CMSS1: variants seen among roughly 807,000 people sequenced by gnomAD.
CMSS1 encodes the protein cms1 ribosomal small subunit homolog.
Under a neutral mutation model 43.5 loss-of-function variants are expected in CMSS1, and 33 were observed. The observed-to-expected ratio is 0.76, with a 90% CI of 0.57 to 1.01. The LOEUF (loss-of-function observed/expected upper bound fraction) is 1.01, where lower values mean the gene tolerates loss of function less well. Among genes scored for constraint, CMSS1 ranks in the 50% least tolerant of loss-of-function variants. CMSS1 has a pLI of 0.00. For missense variants in CMSS1, 313 were observed against 326.4 expected (o/e 0.96, Z 0.32); for synonymous variants, 115 against 117.2 (o/e 0.98, Z 0.12).
intron 1 of CMSS1, among the ~76,000 whole-genome samples, chr3:99,969,481 G>A (rs1352141486): frequency 6.6e-6 from 1 of 152,066 alleles, no homozygotes; most frequent in East Asian, 1.9e-4. Context: ...TCAACAGATT[G>A]GTCACAGAAA....
At chr3:99,928,731 G>A (rs780823084) in intron 1 of CMSS1, among the ~76,000 whole-genome samples, 9 of 152,196 alleles carry the variant, frequency 5.9e-5, no homozygotes, top group Non-Finnish European at 1.3e-4. Flanking sequence ...TTGCATTTGA[G>A]CTCACAGGGG....
Position 100,102,398 on chromosome 3 carries a change from G to C in CMSS1, c.65-44575G>C, listed in dbSNP as rs140278747. Reference sequence around the variant, plus strand: ...GGATAACTAAATATCCTTGGAAATGGGATAATAAGGAAAGAGAAGTGAAAG... The same window carrying C: ...GGATAACTAAATATCCTTGGAAATGCGATAATAAGGAAAGAGAAGTGAAAG... On this transcript the variant is annotated intron_variant, in intron 1 of 9. Transcript: ENST00000421999. Among the ~76,000 whole-genome samples the C allele has an allele frequency of 6.2e-3, 944 of 152,162 alleles. 3 individuals carry two copies. Among genetic ancestry groups the C allele is most frequent in the Non-Finnish European group, 0.01 (698 of 68,004 alleles).
At chr3:100,048,227 CTT>C (rs1478290304) in intron 1 of CMSS1, among the ~76,000 whole-genome samples, 1 of 152,194 alleles carries the variant, frequency 6.6e-6, no homozygotes, top group Non-Finnish European at 1.5e-5. Context: ...CTTCCACTGT[CTT>C]TATTTTACTA....
At chr3:99,850,835 C>G (rs1943654086) in intron 1 of CMSS1, 2 of 1,614,182 alleles carry the variant, frequency 1.2e-6, no homozygotes, top group African/African-American at 1.3e-5. Flanking sequence ...TCCTCCTGAA[C>G]TCTGGCTTCA....
chr3:100,046,365 T>C (rs2065279222), intron 1 of CMSS1, among the ~76,000 whole-genome samples: 1 of 152,170 alleles, frequency 6.6e-6, no homozygotes, highest in South Asian at 2.1e-4. Flanking sequence ...TATTTGGCAA[T>C]GTAGTTAAAA....
intron 1 of CMSS1, among the ~76,000 whole-genome samples, chr3:100,120,575 G>A (rs756335378): frequency 7.9e-5 from 12 of 152,220 alleles, no homozygotes; most frequent in Non-Finnish European, 1.3e-4. Flanking sequence ...CGTGCTAAGC[G>A]TGGCACCTAG....
At chr3:100,176,113 C>T in intron 8 of CMSS1, 1 of 434,016 alleles carries the variant, frequency 2.3e-6, no homozygotes, top group Non-Finnish European at 4.1e-6. Flanking sequence ...TCTCTGCTTT[C>T]CTCAGGAGGA....
chr3:100,010,376 C>T (rs1710110005), intron 1 of CMSS1, among the ~76,000 whole-genome samples: 1 of 151,932 alleles, frequency 6.6e-6, no homozygotes, highest in Admixed American at 6.6e-5. Flanking sequence ...TGTCAAAAAA[C>T]ACTTATTGAA....
At chr3:100,034,040 C>T (rs927220522) in intron 1 of CMSS1, among the ~76,000 whole-genome samples, 3 of 152,138 alleles carry the variant, frequency 2.0e-5, no homozygotes, top group African/African-American at 7.2e-5. Context: ...TTATTCAACC[C>T]GCCATGCGTT....
chr3:99,983,389 AATATAT>A lies in CMSS1; in HGVS notation c.65-163559_65-163554del, dbSNP rs397990626. The stretch of plus-strand genomic sequence containing the variant: ...TCTCTACTTAAAAAATAAATAAATA[AATATAT>A]ATATATATATATATATATATATATG... On this transcript the variant is annotated intron_variant, in intron 1 of 9. Coordinates refer to ENST00000421999, the MANE Select transcript of CMSS1 (RefSeq NM_032359.4). 6.1e-3 allele frequency among the ~76,000 whole-genome samples: 247 copies of A among 40,794 alleles called. 16 individuals carry two copies. The highest frequency in any genetic ancestry group is 0.018 in the East Asian group (22 of 1,220). The allele number at this position is 40,794 out of a possible 152,430, so 26.8% of individuals were successfully genotyped here. A position where few individuals can be genotyped will look rare whatever the true frequency, so the allele number is the denominator to read the frequency against.
At chr3:99,993,637 T>A (rs1387024192) in intron 1 of CMSS1, among the ~76,000 whole-genome samples, 3 of 152,170 alleles carry the variant, frequency 2.0e-5, no homozygotes, top group Non-Finnish European at 2.9e-5. Context: ...CTTTATTATG[T>A]TAATGTGTGT....
chr3:99,998,591 G>A (rs1383173779), intron 1 of CMSS1, among the ~76,000 whole-genome samples: 1 of 152,146 alleles, frequency 6.6e-6, no homozygotes, highest in Non-Finnish European at 1.5e-5. Flanking sequence ...TCAAAACTTA[G>A]TCTTTCCAGC....
chr3:100,156,773 G>C (rs1043950077), intron 2 of CMSS1, among the ~76,000 whole-genome samples: 4 of 151,258 alleles, frequency 2.6e-5, no homozygotes, highest in Non-Finnish European at 5.9e-5. Flanking sequence ...CTGCCACCAC[G>C]CCTGGCTAAT....
chr3:100,019,092 G>A (rs1439111855), intron 1 of CMSS1, among the ~76,000 whole-genome samples: 2 of 152,116 alleles, frequency 1.3e-5, no homozygotes, highest in African/African-American at 4.8e-5. Context: ...ATTGTTCAAG[G>A]GAATGTAAAT....
At chr3:99,945,407 C>A (rs1365072211) in intron 1 of CMSS1, among the ~76,000 whole-genome samples, 13 of 152,176 alleles carry the variant, frequency 8.5e-5, no homozygotes, top group Admixed American at 8.5e-4. Context: ...GGGGGTTCCA[C>A]CCACTGTGTG....
intron 1 of CMSS1, among the ~76,000 whole-genome samples, chr3:100,116,844 C>G (rs1170752628): frequency 1.3e-5 from 2 of 152,018 alleles, no homozygotes; most frequent in African/African-American, 4.8e-5. Context: ...CCCCTTTGGC[C>G]CTTAGTCTTT....
chr3:99,977,256 C>G (rs1208899180), intron 1 of CMSS1, among the ~76,000 whole-genome samples: 1 of 151,934 alleles, frequency 6.6e-6, no homozygotes, highest in Non-Finnish European at 1.5e-5. Context: ...GATGCCTCAT[C>G]CCAGGAGCAG....
At chr3:100,170,492 A>G (rs2067101233) in intron 6 of CMSS1, among the ~76,000 whole-genome samples, 1 of 152,212 alleles carries the variant, frequency 6.6e-6, no homozygotes, top group Non-Finnish European at 1.5e-5. Flanking sequence ...GCACTTTCCA[A>G]CAGCCAGGAT....
chr3:99,942,765 G>C (rs1233671151), intron 1 of CMSS1, among the ~76,000 whole-genome samples: 3 of 151,964 alleles, frequency 2.0e-5, no homozygotes, highest in Non-Finnish European at 4.4e-5. Context: ...GGAGACAGAG[G>C]TTGCAGTGAG....
Sources: allele counts gnomAD v4.1 joint callset (sites outside exome capture counted in the v4.1 genomes callset), GRCh38; gene constraint gnomAD v4.1.1; transcripts MANE v1.5; gene names NCBI Gene and HGNC (gene_info 2026-07-23, HGNC 2026-07-21).